MAF: variants seen among roughly 807,000 people sequenced by gnomAD.
The protein encoded by MAF is transcription factor Maf.
A neutral mutation model predicts 22.0 loss-of-function variants in MAF; 10 were observed. That is an observed-to-expected ratio of 0.45 (90% CI 0.28 to 0.77). The LOEUF is 0.77. Among genes scored for constraint, MAF ranks in the 30% least tolerant of loss-of-function variants. The pLI is 0.12. For missense variants in MAF, 544 were observed against 548.4 expected, an observed-to-expected ratio of 0.99 and a Z score of 0.08; for synonymous variants, 337 against 255.8, an observed-to-expected ratio of 1.32 and a Z score of -3.03.
chr16:79,554,088 C>T, the MAF span, among the ~76,000 whole-genome samples: 2 of 126,998 alleles, frequency 1.6e-5, no homozygotes, highest in African/African-American at 2.9e-5. Flanking sequence ...GACTGCCTCT[C>T]AAAAACAAAC....
the MAF span, among the ~76,000 whole-genome samples, chr16:79,508,560 A>G: frequency 6.6e-6 from 1 of 152,116 alleles, no homozygotes; most frequent in Non-Finnish European, 1.5e-5. Flanking sequence ...CTTTGCACCA[A>G]AGGCTCCCCA....
chr16:79,484,402 C>T, the MAF span, among the ~76,000 whole-genome samples: 1 of 152,210 alleles, frequency 6.6e-6, no homozygotes, highest in Non-Finnish European at 1.5e-5. Context: ...GGAGCAGAGC[C>T]AGTGTATCTG....
the MAF span, among the ~76,000 whole-genome samples, chr16:79,358,684 G>A: frequency 6.6e-6 from 1 of 152,212 alleles, no homozygotes; most frequent in South Asian, 2.1e-4. Flanking sequence ...ATGCAGGAAG[G>A]CATGAAGTGC....
the MAF span, among the ~76,000 whole-genome samples, chr16:79,530,642 TTATC>T: frequency 6.6e-6 from 1 of 152,198 alleles, no homozygotes; most frequent in Non-Finnish European, 1.5e-5. Context: ...TAAGAAGAGT[TTATC>T]TAATTATTGA....
At chr16:79,309,515 G>C in the MAF span, among the ~76,000 whole-genome samples, 1 of 152,082 alleles carries the variant, frequency 6.6e-6, no homozygotes, top group African/African-American at 2.4e-5. Context: ...CTAGATTTTG[G>C]TGCATTGCCT....
the MAF span, among the ~76,000 whole-genome samples, chr16:79,246,217 TA>T: frequency 3.6e-4 from 55 of 151,614 alleles, 1 homozygote; most frequent in Middle Eastern, 3.4e-3. Context: ...AAAAGAAAAT[TA>T]AAAAAAAATC....
the MAF span, among the ~76,000 whole-genome samples, chr16:79,478,162 A>G: frequency 6.6e-6 from 1 of 152,216 alleles, no homozygotes; most frequent in African/African-American, 2.4e-5. Flanking sequence ...AACTTTGTCA[A>G]TATTTCCAAA....
chr16:79,320,562 T>C, the MAF span, among the ~76,000 whole-genome samples: 1 of 152,214 alleles, frequency 6.6e-6, no homozygotes, highest in African/African-American at 2.4e-5. Flanking sequence ...TCGCTTCTTA[T>C]GCAACGTTGT....
At chr16:79,535,538 T>C in the MAF span, among the ~76,000 whole-genome samples, 1 of 151,518 alleles carries the variant, frequency 6.6e-6, no homozygotes, top group South Asian at 2.1e-4. Context: ...TTGTCTATAA[T>C]ATGCATTATT....
the MAF span, among the ~76,000 whole-genome samples, chr16:79,508,353 C>T: frequency 3.5e-4 from 54 of 152,260 alleles, no homozygotes; most frequent in Non-Finnish European, 7.4e-4. Context: ...GTATTCATTT[C>T]CCTGACTCCT....
chr16:79,584,432 C>G (rs188366977), downstream of MAF, among the ~76,000 whole-genome samples: 1 of 152,328 alleles, frequency 6.6e-6, no homozygotes, highest in African/African-American at 2.4e-5. Context: ...GACCAAATGC[C>G]TTTCTCTTCC....
the MAF span, among the ~76,000 whole-genome samples, chr16:79,304,836 G>C: frequency 6.6e-6 from 1 of 152,206 alleles, no homozygotes; most frequent in Non-Finnish European, 1.5e-5. Flanking sequence ...TGAGTTGCGT[G>C]TTTGTGTTTT....
At chr16:79,454,598 T>A in the MAF span, among the ~76,000 whole-genome samples, 97 of 152,310 alleles carry the variant, frequency 6.4e-4, no homozygotes, top group African/African-American at 2.3e-3. Flanking sequence ...CCATTTCCCC[T>A]AAAGGAAAAT....
At chr16:79,441,797 C>A in the MAF span, among the ~76,000 whole-genome samples, 50 of 152,272 alleles carry the variant, frequency 3.3e-4, 1 homozygote, top group Admixed American at 3.2e-3. Context: ...CTAGGAACCC[C>A]AGTATGTGGT....
chr16:79,370,982 T>C, the MAF span, among the ~76,000 whole-genome samples: 1 of 152,256 alleles, frequency 6.6e-6, no homozygotes, highest in South Asian at 2.1e-4. Flanking sequence ...AGAACCACCA[T>C]TTTATTGTAG....
the MAF span, among the ~76,000 whole-genome samples, chr16:79,382,281 C>G: frequency 2.6e-5 from 4 of 152,210 alleles, no homozygotes; most frequent in African/African-American, 9.7e-5. Flanking sequence ...TCAAAACAAC[C>G]ACCATGCAAA....
At chr16:79,233,524 A>G in the MAF span, among the ~76,000 whole-genome samples, 3 of 152,064 alleles carry the variant, frequency 2.0e-5, no homozygotes, top group East Asian at 3.9e-4. Flanking sequence ...ATCAGTAGCT[A>G]AGCATCACTG....
chr16:79,265,157 A>C, the MAF span, among the ~76,000 whole-genome samples: 1 of 152,204 alleles, frequency 6.6e-6, no homozygotes, highest in African/African-American at 2.4e-5. Context: ...AGTCATTATT[A>C]TTATTATTCA....
At chr16:79,523,571 G>T in the MAF span, among the ~76,000 whole-genome samples, 1 of 152,188 alleles carries the variant, frequency 6.6e-6, no homozygotes, top group South Asian at 2.1e-4. Flanking sequence ...AATGAGAGAT[G>T]CTGGCTGCCT....
Sources: gnomAD v4.1 joint callset for allele counts (sites outside exome capture counted in the v4.1 genomes callset) on GRCh38, gnomAD v4.1.1 for gene constraint, MANE v1.5 for transcripts, NCBI Gene and HGNC (gene_info 2026-07-23, HGNC 2026-07-21) for gene names.